Variants in NLGN4X observed in about 807,000 individuals in gnomAD.
The protein encoded by NLGN4X is neuroligin 4 X-linked.
Under a neutral mutation model 40.3 loss-of-function variants are expected in NLGN4X, and 3 were observed. The ratio of observed to expected loss-of-function variants is 0.07; its 90% CI spans 0.03 to 0.19. The LOEUF is 0.19. Ranked by LOEUF, NLGN4X falls within the 10% of genes least tolerant of loss-of-function variation. The pLI is 1.00. For missense variants in NLGN4X, 382 were observed against 708.3 expected, an observed-to-expected ratio of 0.54 and a Z score of 5.23; for synonymous variants, 270 against 306.8, an observed-to-expected ratio of 0.88 and a Z score of 1.25.
chrX:5,981,550 T>C (rs1461784072), intron 3 of NLGN4X, among the ~76,000 whole-genome samples: 2 of 108,746 alleles, frequency 1.8e-5, no homozygotes, highest in Non-Finnish European at 3.8e-5. Flanking sequence ...CTCAACTAAA[T>C]TTTGAAAACA....
intron 2 of NLGN4X, among the ~76,000 whole-genome samples, chrX:6,136,290 C>T (rs979944014): frequency 5.3e-5 from 6 of 112,370 alleles, no homozygotes; most frequent in African/African-American, 1.9e-4. Flanking sequence ...AACAAATAAC[C>T]AAAACTTAAC....
chrX:6,046,202 C>A (rs980022929), intron 2 of NLGN4X, among the ~76,000 whole-genome samples: 31 of 111,436 alleles, frequency 2.8e-4, no homozygotes, highest in African/African-American at 8.4e-4. Flanking sequence ...AGGTATAAAT[C>A]AAGAGTGTAA....
At chrX:6,101,075 A>AC (rs2038898671) in intron 2 of NLGN4X, among the ~76,000 whole-genome samples, 1 of 112,086 alleles carries the variant, frequency 8.9e-6, no homozygotes, top group Admixed American at 9.5e-5. Context: ...AAAAAAATAA[A>AC]GAAAAAAACC....
At chrX:6,065,453 T>G in intron 2 of NLGN4X, among the ~76,000 whole-genome samples, 1 of 109,981 alleles carries the variant, frequency 9.1e-6, no homozygotes, top group Non-Finnish European at 1.9e-5. Context: ...AAAACTGGTA[T>G]CTCTCCATAA....
chrX:6,121,242 T>C (rs1175087925), intron 2 of NLGN4X, among the ~76,000 whole-genome samples: 3 of 110,455 alleles, frequency 2.7e-5, no homozygotes, highest in Non-Finnish European at 5.7e-5. Flanking sequence ...TTTGAAAACA[T>C]AATATTCTAG....
At chrX:5,919,527 G>T (rs1298029914) in intron 3 of NLGN4X, among the ~76,000 whole-genome samples, 2 of 111,550 alleles carry the variant, frequency 1.8e-5, no homozygotes, top group East Asian at 2.8e-4. Flanking sequence ...GACTGGGCCA[G>T]CAGGAGGTGA....
chrX:6,005,954 G>A (rs1466655749), intron 3 of NLGN4X, among the ~76,000 whole-genome samples: 1 of 111,587 alleles, frequency 9.0e-6, no homozygotes, highest in East Asian at 2.8e-4. Flanking sequence ...AGGAAGTAGA[G>A]TATATAAGCA....
rs747662469 is a variant in NLGN4X at position 6,142,631 on chromosome X, C to A, written c.472+8364G>T. Among the ~76,000 whole-genome samples, 17 of 112,330 alleles carry A rather than the reference C, an allele frequency of 1.5e-4. No homozygotes were observed. In the South Asian group the frequency reaches 2.2e-3, roughly 15 times the overall value. On this transcript the variant is annotated intron_variant, in intron 2 of 5. Coordinates refer to ENST00000381095, the MANE Select transcript of NLGN4X (RefSeq NM_181332.3). ...TTCGTTTTTCACCTATATTTTGTGA[C>A]TGTATGCGTACAATTGGACTTTGTG...
At chrX:5,900,559 GC>G (rs1315281329) in intron 5 of NLGN4X, among the ~76,000 whole-genome samples, 10 of 59,145 alleles carry the variant, frequency 1.7e-4, no homozygotes, top group Admixed American at 2.4e-4. Flanking sequence ...CGTTTTTGGT[GC>G]TTTTTTTTTT....
chrX:6,130,116 T>C (rs1326082051), intron 2 of NLGN4X, among the ~76,000 whole-genome samples: 1 of 111,411 alleles, frequency 9.0e-6, no homozygotes, highest in Non-Finnish European at 1.9e-5. Flanking sequence ...CTCAAACTCC[T>C]GGATCAAGTG....
chrX:5,943,414 C>T (rs758424684), intron 3 of NLGN4X, among the ~76,000 whole-genome samples: 3 of 111,636 alleles, frequency 2.7e-5, no homozygotes, highest in Admixed American at 9.5e-5. Context: ...AGAAACCATC[C>T]GAGCTACTCA....
chrX:5,891,522 G>A lies in NLGN4X; in HGVS notation c.*1295C>T, dbSNP rs939329379. On this transcript the variant is annotated 3_prime_UTR_variant, in exon 6 of 6. Coordinates refer to ENST00000381095, the MANE Select transcript of NLGN4X (RefSeq NM_181332.3). Reference sequence around the variant, plus strand: ...AGCTAAGCTGAGCAGGTACTTCATCGGCCAAACCCTCCCGCAGCTGCTAGG... The same window carrying A: ...AGCTAAGCTGAGCAGGTACTTCATCAGCCAAACCCTCCCGCAGCTGCTAGG... 1.4e-5 allele frequency: 4 copies of A among 289,565 alleles called. No individual in the cohort carries two copies. The highest frequency in any genetic ancestry group is 3.3e-5 in the South Asian group (1 of 30,059). 23.9% of individuals were successfully genotyped at this position (289,565 alleles called of 1,213,427 possible). A position where few individuals can be genotyped will look rare whatever the true frequency, so the allele number is the denominator to read the frequency against.
intron 2 of NLGN4X, among the ~76,000 whole-genome samples, chrX:6,048,146 G>A (rs1007907361): frequency 2.3e-4 from 26 of 111,664 alleles, no homozygotes; most frequent in African/African-American, 5.9e-4. Flanking sequence ...TTATGACCAC[G>A]CTACAAACAC....
At chrX:6,159,228 G>A (rs1324768826) in intron 1 of NLGN4X, among the ~76,000 whole-genome samples, 2 of 111,400 alleles carry the variant, frequency 1.8e-5, no homozygotes, top group South Asian at 3.8e-4. Context: ...ACCAAATCTT[G>A]GGGGATTAGA....
intron 1 of NLGN4X, among the ~76,000 whole-genome samples, chrX:6,214,689 G>A (rs918689427): frequency 2.7e-5 from 3 of 111,131 alleles, no homozygotes; most frequent in African/African-American, 6.6e-5. Context: ...GAGCCCAGGC[G>A]TTCGAGACCA....
intron 1 of NLGN4X, among the ~76,000 whole-genome samples, chrX:6,200,846 C>G (rs1446205710): frequency 2.8e-5 from 3 of 108,483 alleles, no homozygotes; most frequent in African/African-American, 1.0e-4. Flanking sequence ...GCCATCATAC[C>G]TGCCTAATTT....
intron 1 of NLGN4X, among the ~76,000 whole-genome samples, chrX:6,152,911 A>C (rs1480508820): frequency 8.9e-6 from 1 of 112,408 alleles, no homozygotes; most frequent in Non-Finnish European, 1.9e-5. Flanking sequence ...TCAACTTTTA[A>C]AGGGTCACCA....
intron 2 of NLGN4X, among the ~76,000 whole-genome samples, chrX:6,106,134 C>A (rs1367456588): frequency 2.7e-5 from 3 of 111,842 alleles, no homozygotes; most frequent in Non-Finnish European, 5.6e-5. Flanking sequence ...ATCTAAATGT[C>A]CACCCTGAGG....
chrX:6,057,516 G>A (rs1305219779), intron 2 of NLGN4X, among the ~76,000 whole-genome samples: 1 of 112,037 alleles, frequency 8.9e-6, no homozygotes, highest in African/African-American at 3.2e-5. Context: ...TTAAGAATAA[G>A]ATGAGTAAAA....
Sources: allele counts gnomAD v4.1 joint callset (sites outside exome capture counted in the v4.1 genomes callset), GRCh38; gene constraint gnomAD v4.1.1; transcripts MANE v1.5; gene names NCBI Gene and HGNC (gene_info 2026-07-23, HGNC 2026-07-21).